MAGI2: variants seen among roughly 807,000 people sequenced by gnomAD.
The protein encoded by MAGI2 is membrane-associated guanylate kinase, WW and PDZ domain-containing protein 2.
In MAGI2, 35 loss-of-function variants were observed where a neutral mutation model predicts 133.3. The observed-to-expected ratio is 0.26, with a 90% CI of 0.20 to 0.35. The LOEUF (loss-of-function observed/expected upper bound fraction) is 0.35, where lower values mean the gene tolerates loss of function less well. MAGI2 is among the 10% of genes least tolerant of loss of function. The probability of loss-of-function intolerance (pLI) is 1.00; values close to 1 mark genes in which losing one functional copy is unlikely to be tolerated. For synonymous variants in MAGI2, 729 were observed against 710.6 expected (o/e 1.03, Z -0.41); for missense variants, 1,636 against 1,863.4 (o/e 0.88, Z 2.25).
intron 6 of MAGI2, among the ~76,000 whole-genome samples, chr7:78,420,828 A>G (rs1050384465): frequency 6.6e-6 from 1 of 152,220 alleles, no homozygotes; most frequent in Non-Finnish European, 1.5e-5. Flanking sequence ...CAAAATGAGA[A>G]ATGATTGTAA....
At chr7:79,191,485 C>T (rs1293511540) in intron 1 of MAGI2, among the ~76,000 whole-genome samples, 2 of 121,182 alleles carry the variant, frequency 1.7e-5, no homozygotes, top group African/African-American at 6.1e-5. Flanking sequence ...ATGGCACAAT[C>T]ACAGCTTATG....
At chr7:79,343,009 C>T (rs1346160035) in intron 1 of MAGI2, among the ~76,000 whole-genome samples, 1 of 152,028 alleles carries the variant, frequency 6.6e-6, no homozygotes, top group East Asian at 1.9e-4. Flanking sequence ...GGTGATCCAC[C>T]CATCTCGGCC....
chr7:78,479,687 A>T (rs1472810412), intron 6 of MAGI2, among the ~76,000 whole-genome samples: 1 of 151,998 alleles, frequency 6.6e-6, no homozygotes, highest in Admixed American at 6.6e-5. Context: ...TCCATTTAAA[A>T]ATGGTCTGTA....
At chr7:79,174,023 T>A (rs1825859224) in intron 1 of MAGI2, among the ~76,000 whole-genome samples, 1 of 151,964 alleles carries the variant, frequency 6.6e-6, no homozygotes, top group African/African-American at 2.4e-5. Context: ...AGGAATATAA[T>A]ATAATAGAAA....
chr7:78,800,860 T>A (rs17454128), intron 2 of MAGI2, among the ~76,000 whole-genome samples: 8,628 of 152,036 alleles, frequency 0.057, 279 homozygotes, highest in Middle Eastern at 0.088. Flanking sequence ...AGGTTCCAAG[T>A]GAAACAATAG....
chr7:78,279,228 C>T (rs1795324110), intron 9 of MAGI2, among the ~76,000 whole-genome samples: 1 of 152,104 alleles, frequency 6.6e-6, no homozygotes, highest in Non-Finnish European at 1.5e-5. Flanking sequence ...ACGGTGGTAT[C>T]AGAACTCTCA....
At chr7:78,665,518 T>G (rs321991) in intron 2 of MAGI2, among the ~76,000 whole-genome samples, 18,742 of 152,004 alleles carry the variant, frequency 0.12, 1,476 homozygotes, top group East Asian at 0.4. Flanking sequence ...GAGCCAGAAG[T>G]GGTCCAAGGC....
chr7:78,256,622 A>G (rs751189345), intron 9 of MAGI2, 41 bp from the exon 10 acceptor site: 141 of 1,502,504 alleles, frequency 9.4e-5, no homozygotes, highest in Non-Finnish European at 1.3e-4. Flanking sequence ...GGTAAGTTCA[A>G]TTAACATTGA....
Position 78,031,709 on chromosome 7 carries a change from T to C in MAGI2, c.3707-11733A>G, listed in dbSNP as rs62461160. Reference sequence around the variant, plus strand: ...AGTGGCAGAGAGCTGAGAAAAGGGATGAGAATAATTAATCAAAAAGTACTT... The same window carrying C: ...AGTGGCAGAGAGCTGAGAAAAGGGACGAGAATAATTAATCAAAAAGTACTT... On this transcript the variant is annotated intron_variant, in intron 21 of 21. Coordinates refer to ENST00000354212, the MANE Select transcript of MAGI2 (RefSeq NM_012301.4). 8.4e-3 allele frequency among the ~76,000 whole-genome samples: 1,276 copies of C among 152,290 alleles called. 8 individuals carry two copies. Among genetic ancestry groups the C allele is most frequent in the South Asian group, 0.02 (99 of 4,830 alleles).
chr7:78,953,747 C>A (rs890003574), intron 2 of MAGI2, among the ~76,000 whole-genome samples: 2 of 152,084 alleles, frequency 1.3e-5, no homozygotes, highest in Admixed American at 6.6e-5. Context: ...GAGTTGAGAT[C>A]GCCGATCATT....
intron 6 of MAGI2, among the ~76,000 whole-genome samples, chr7:78,472,582 A>C (rs1791330181): frequency 6.6e-6 from 1 of 152,142 alleles, no homozygotes; most frequent in Non-Finnish European, 1.5e-5. Flanking sequence ...TTCTTTAGGG[A>C]ATACTGTATT....
intron 20 of MAGI2, among the ~76,000 whole-genome samples, chr7:78,081,667 G>T (rs1815987753): frequency 6.6e-6 from 1 of 152,218 alleles, no homozygotes; most frequent in African/African-American, 2.4e-5. Context: ...ACTGTCAGTA[G>T]TTTATTATAC....
chr7:79,036,194 C>T (rs759975689), intron 1 of MAGI2, among the ~76,000 whole-genome samples: 2 of 152,168 alleles, frequency 1.3e-5, no homozygotes, highest in Non-Finnish European at 2.9e-5. Context: ...ATAACTTTCA[C>T]GGATAGCATC....
rs1419741973 is a variant in MAGI2, at chr7:78,983,190, T to C, written c.418+23900A>G. Among the ~76,000 whole-genome samples the C allele has an allele frequency of 3.3e-5, 5 of 152,102 alleles. No individual in the cohort carries two copies. In the East Asian group the frequency reaches 5.8e-4, roughly 18 times the overall value. On this transcript the variant is annotated intron_variant, in intron 2 of 21. Transcript: ENST00000354212. ...TAGTAAAACCAATGAAAAGTACATATGTGGCTTGCATTGTATTTTAATGAA... is the reference window on the plus strand; with the variant it reads ...TAGTAAAACCAATGAAAAGTACATACGTGGCTTGCATTGTATTTTAATGAA...
intron 2 of MAGI2, among the ~76,000 whole-genome samples, chr7:78,975,605 T>A (rs182261558): frequency 6.6e-6 from 1 of 151,496 alleles, no homozygotes; most frequent in Non-Finnish European, 1.5e-5. Flanking sequence ...GCTAAATTTC[T>A]CTCCTTAGGA....
intron 2 of MAGI2, among the ~76,000 whole-genome samples, chr7:78,630,565 C>A (rs575001996): frequency 6.6e-6 from 1 of 151,482 alleles, no homozygotes; most frequent in Non-Finnish European, 1.5e-5. Flanking sequence ...TATAGGTGTG[C>A]GCCACCACAC....
intron 6 of MAGI2, among the ~76,000 whole-genome samples, chr7:78,461,814 G>A (rs1039102933): frequency 1.3e-5 from 2 of 150,102 alleles, no homozygotes; most frequent in African/African-American, 4.9e-5. Flanking sequence ...AGGAGGCTGA[G>A]GCAGGAGAAT....
intron 6 of MAGI2, among the ~76,000 whole-genome samples, chr7:78,385,020 C>A (rs1007031692): frequency 1.3e-5 from 2 of 152,254 alleles, no homozygotes; most frequent in African/African-American, 4.8e-5. Context: ...TTTGCTTTTG[C>A]CGTGAAACGC....
chr7:78,675,576 G>A (rs2151083053), intron 2 of MAGI2, among the ~76,000 whole-genome samples: 1 of 152,226 alleles, frequency 6.6e-6, no homozygotes, highest in South Asian at 2.1e-4. Flanking sequence ...GGAGAAATCA[G>A]AGTCAGGCTT....
Sources: allele counts gnomAD v4.1 joint callset (sites outside exome capture counted in the v4.1 genomes callset), GRCh38; gene constraint gnomAD v4.1.1; transcripts MANE v1.5; gene names NCBI Gene and HGNC (gene_info 2026-07-23, HGNC 2026-07-21).